Variants in PAQR5 observed in about 807,000 individuals in gnomAD.
PAQR5 encodes the protein progestin and adipoQ receptor family member 5, also known as membrane progestin receptor gamma.
PAQR5 carries 20 observed loss-of-function variants against 34.5 expected under a neutral mutation model. The ratio of observed to expected loss-of-function variants is 0.58; its 90% confidence interval spans 0.41 to 0.84. The LOEUF is 0.84. PAQR5 is among the 40% of genes least tolerant of loss of function. The probability of loss-of-function intolerance (pLI) is 0.00; values close to 1 mark genes in which losing one functional copy is unlikely to be tolerated. For missense variants in PAQR5, 378 were observed against 412.7 expected, an observed-to-expected ratio of 0.92 and a Z score of 0.73; for synonymous variants, 131 against 155.6, an observed-to-expected ratio of 0.84 and a Z score of 1.18.
At chr15:69,348,122 G>A (rs555851788) in intron 2 of PAQR5, among the ~76,000 whole-genome samples, 1 of 151,504 alleles carries the variant, frequency 6.6e-6, no homozygotes, top group South Asian at 2.1e-4. Flanking sequence ...ACCAAAGGCC[G>A]CCTACTGGCT....
chr15:69,307,739 G>A (rs1166360644), intron 1 of PAQR5, among the ~76,000 whole-genome samples: 1 of 152,208 alleles, frequency 6.6e-6, no homozygotes, highest in Admixed American at 6.5e-5. Context: ...TGGACTGAGA[G>A]GGAAAGAGGC....
intron 3 of PAQR5, among the ~76,000 whole-genome samples, chr15:69,368,777 T>G (rs2055474163): frequency 6.6e-6 from 1 of 152,144 alleles, no homozygotes; most frequent in Non-Finnish European, 1.5e-5. Flanking sequence ...ATTAGGCTCT[T>G]TTTTTTGAGA....
chr15:69,356,394 A>C (rs2415041), intron 2 of PAQR5, among the ~76,000 whole-genome samples: 118,850 of 152,156 alleles, frequency 0.78, 50,257 homozygotes, highest in Non-Finnish European at 0.95. Context: ...TTTATTTTTT[A>C]ACCTGGGCAA....
At chr15:69,348,438 C>T (rs917717681) in intron 2 of PAQR5, among the ~76,000 whole-genome samples, 5 of 152,312 alleles carry the variant, frequency 3.3e-5, no homozygotes, top group Non-Finnish European at 4.4e-5. Context: ...AGCACTTGGG[C>T]CCTTACCTGC....
intron 2 of PAQR5, among the ~76,000 whole-genome samples, chr15:69,344,114 A>G (rs1241150472): frequency 1.3e-5 from 2 of 152,202 alleles, no homozygotes; most frequent in African/African-American, 2.4e-5. Flanking sequence ...GATTACAGGC[A>G]TGGGCCACCA....
chr15:69,321,235 ACATATTT>A (rs2054089493), intron 1 of PAQR5, among the ~76,000 whole-genome samples: 1 of 152,248 alleles, frequency 6.6e-6, no homozygotes, highest in Non-Finnish European at 1.5e-5. Context: ...GACTCAAAAG[ACATATTT>A]CATATTTCAG....
intron 1 of PAQR5, among the ~76,000 whole-genome samples, chr15:69,336,014 T>C (rs2054508243): frequency 6.6e-6 from 1 of 152,194 alleles, no homozygotes; most frequent in Non-Finnish European, 1.5e-5. Flanking sequence ...TTTTCTCCTT[T>C]GGGTAAGTGG....
intron 8 of PAQR5, among the ~76,000 whole-genome samples, chr15:69,402,166 A>AT (rs1440930844): frequency 6.6e-6 from 1 of 152,184 alleles, no homozygotes; most frequent in Non-Finnish European, 1.5e-5. Context: ...TTTTCTCACA[A>AT]TTCTGGAGGC....
At chr15:69,322,060 A>G (rs2140603322) in intron 1 of PAQR5, among the ~76,000 whole-genome samples, 1 of 152,234 alleles carries the variant, frequency 6.6e-6, no homozygotes, top group African/African-American at 2.4e-5. Context: ...AATTTTGTCA[A>G]GAAGACTGGT....
chr15:69,323,457 G>C (rs1021918603), intron 1 of PAQR5, among the ~76,000 whole-genome samples: 4 of 152,192 alleles, frequency 2.6e-5, no homozygotes, highest in African/African-American at 9.6e-5. Flanking sequence ...AACGGCCAGT[G>C]GTGCTCCTGG....
intron 6 of PAQR5, among the ~76,000 whole-genome samples, chr15:69,396,742 T>G (rs1037798197): frequency 3.3e-5 from 5 of 152,088 alleles, no homozygotes; most frequent in African/African-American, 1.2e-4. Flanking sequence ...CCCCATACCC[T>G]GAGCTGCTGC....
intron 1 of PAQR5, among the ~76,000 whole-genome samples, chr15:69,331,156 G>A (rs1351990096): frequency 1.3e-5 from 2 of 152,016 alleles, no homozygotes; most frequent in Non-Finnish European, 2.9e-5. Context: ...GCCCCATTGT[G>A]GGGTGTCTGG....
intron 1 of PAQR5, among the ~76,000 whole-genome samples, chr15:69,315,036 C>A (rs975150736): frequency 6.6e-6 from 1 of 152,034 alleles, no homozygotes; most frequent in African/African-American, 2.4e-5. Context: ...CAGGAGTGGT[C>A]GTCTCTATTC....
In PAQR5 at chr15:69,312,641, G is replaced by C. The variant is rs560819280; in HGVS notation, c.-277+13585G>C. Among the ~76,000 whole-genome samples the C allele has an allele frequency of 4.1e-4, 61 of 149,964 alleles. 1 individual carries two copies. The highest frequency in any genetic ancestry group is 1.5e-3 in the African/African-American group (59 of 40,602). ...CCCCCTTCTCCTGTCCAGTCCCCCC[G>C]TCCCCCAGGATCAGCTGCCCATACC... is the stretch of plus-strand genomic sequence containing the variant. On this transcript the variant is annotated intron_variant, in intron 1 of 8. Transcript: ENST00000395407.
At chr15:69,365,538 T>C (rs930081901) in intron 3 of PAQR5, among the ~76,000 whole-genome samples, 2 of 152,244 alleles carry the variant, frequency 1.3e-5, no homozygotes, top group Non-Finnish European at 2.9e-5. Flanking sequence ...TTGTTTTTGG[T>C]TTAAATACAG....
chr15:69,328,642 G>A (rs2054307231), intron 1 of PAQR5, among the ~76,000 whole-genome samples: 1 of 152,170 alleles, frequency 6.6e-6, no homozygotes. Context: ...ATGGGGGTGG[G>A]GGTGGCCATT....
chr15:69,320,948 C>T (rs908493928), intron 1 of PAQR5, among the ~76,000 whole-genome samples: 6 of 152,242 alleles, frequency 3.9e-5, no homozygotes, highest in South Asian at 2.1e-4. Flanking sequence ...GTGATATCTT[C>T]GAATATTTTC....
chr15:69,368,721 T>C (rs1024652689), intron 3 of PAQR5, among the ~76,000 whole-genome samples: 1 of 133,974 alleles, frequency 7.5e-6, no homozygotes, highest in African/African-American at 2.7e-5. Context: ...ATTTATTCCT[T>C]TGATGTATTT....
chr15:69,390,538 C>T (rs1758705652), intron 6 of PAQR5, among the ~76,000 whole-genome samples: 1 of 152,060 alleles, frequency 6.6e-6, no homozygotes, highest in South Asian at 2.1e-4. Context: ...AATTATGCAG[C>T]TGGTTCCATT....
Sources: allele counts gnomAD v4.1 joint callset (sites outside exome capture counted in the v4.1 genomes callset), GRCh38; gene constraint gnomAD v4.1.1; transcripts MANE v1.5; gene names NCBI Gene and HGNC (gene_info 2026-07-23, HGNC 2026-07-21).